Variants in SHF observed in about 807,000 individuals in gnomAD.
SHF encodes the protein Src homology 2 domain containing F, also known as SH2 domain-containing adapter protein F.
A neutral mutation model predicts 42.4 loss-of-function variants in SHF; 30 were observed. The ratio of observed to expected loss-of-function variants is 0.71; its 90% confidence interval spans 0.53 to 0.96. The LOEUF is 0.96. SHF is among the 40% of genes least tolerant of loss of function. SHF has a pLI of 0.00. For synonymous variants in SHF, 264 were observed against 269.9 expected (o/e 0.98, Z 0.21); for missense variants, 598 against 634.0 (o/e 0.94, Z 0.61).
chr15:45,198,623 G>A (rs1383805753), intron 2 of SHF: 1 of 982,118 alleles, frequency 1.0e-6, no homozygotes, highest in African/African-American at 1.6e-5. Flanking sequence ...ACTCGGATTC[G>A]AACCGAGGTT....
intron 2 of SHF, among the ~76,000 whole-genome samples, chr15:45,196,348 C>A (rs1898862330): frequency 6.6e-6 from 1 of 152,108 alleles, no homozygotes; most frequent in Admixed American, 6.5e-5. Context: ...CCTGCCTCGG[C>A]CTCCCGAAGT....
At chr15:45,189,979 T>C (rs1406677616), upstream of SHF, among the ~76,000 whole-genome samples, 1 of 152,164 alleles carries the variant, frequency 6.6e-6, no homozygotes, top group Non-Finnish European at 1.5e-5. Context: ...ACAGTGCTGC[T>C]TGTATTTAGG....
At chr15:45,181,554 G>A (rs1373906126) in intron 1 of SHF, among the ~76,000 whole-genome samples, 1 of 152,162 alleles carries the variant, frequency 6.6e-6, no homozygotes, top group Non-Finnish European at 1.5e-5. Flanking sequence ...GCTCACTACT[G>A]TATCCTGCAT....
At chr15:45,182,539 G>C (rs1898183480) in intron 1 of SHF, among the ~76,000 whole-genome samples, 1 of 152,210 alleles carries the variant, frequency 6.6e-6, no homozygotes, top group Non-Finnish European at 1.5e-5. Flanking sequence ...TATGCAGCTT[G>C]TCAGCAGCAG....
intron 2 of SHF, among the ~76,000 whole-genome samples, chr15:45,194,012 G>A (rs2141446609): frequency 6.6e-6 from 1 of 150,876 alleles, no homozygotes; most frequent in African/African-American, 2.4e-5. Context: ...TGAGGTGGGA[G>A]GATTGCTTGA....
At chr15:45,171,708 G>A in intron 6 of SHF, 175 bp downstream of exon 6, 1 of 658,086 alleles carries the variant, frequency 1.5e-6, no homozygotes, top group Non-Finnish European at 2.6e-6. Context: ...TTCTCCCAAT[G>A]GACTCTGAGC....
At chr15:45,182,002 G>C (rs1275035173) in intron 1 of SHF, among the ~76,000 whole-genome samples, 1 of 152,110 alleles carries the variant, frequency 6.6e-6, no homozygotes, top group African/African-American at 2.4e-5. Context: ...ACCCAGCAGG[G>C]TGCCTCCAGG....
rs562601350 is a variant in SHF, at chr15:45,200,665, T to C, written c.-47+62A>G. 19 of 453,746 alleles carry C rather than the reference T, an allele frequency of 4.2e-5. 1 individual carries two copies. Among genetic ancestry groups the C allele is most frequent in the South Asian group, 2.9e-4 (19 of 64,410 alleles). The allele number at this position is 453,746 out of a possible 1,614,324, so 28.1% of individuals were successfully genotyped here. A position where few individuals can be genotyped will look rare whatever the true frequency, so the allele number is the denominator to read the frequency against. On this transcript the variant is annotated intron_variant, in intron 1 of 7. Transcript: ENST00000290894. ...TTCTCGATTTTGGTCCACACTTGCC[T>C]GCGCACCAGACACGGTGGCCGATTT...
At chr15:45,175,791 G>A (rs1897768299) in intron 2 of SHF, among the ~76,000 whole-genome samples, 2 of 151,084 alleles carry the variant, frequency 1.3e-5, no homozygotes, top group Non-Finnish European at 2.9e-5. Context: ...TGTCCCAAAT[G>A]ATATCATTCC....
rs1897302668 is a variant in SHF at position 45,167,991 on chromosome 15, C to T, written c.1423G>A (p.Glu475Lys). Residue 475 changes from glutamate to lysine, a missense_variant, in exon 7 of 7, where the codon GAA becomes AAA. Coordinates refer to ENST00000690270, the MANE Select transcript of SHF (RefSeq NM_001394037.1). ...ASRKLPIKGA[E>K]HMSLLYPVAI... ...ACAGGGTAGAGCAGGGACATGTGTT[C>T]GGCTCCCTTAATGGGTAGCTTGCGG... 2 of 1,612,994 alleles carry T rather than the reference C, an allele frequency of 1.2e-6. No homozygotes were observed. The highest frequency in any genetic ancestry group is 8.5e-7 in the Non-Finnish European group (1 of 1,179,368).
At chr15:45,180,414 C>T (rs1898068413) in intron 1 of SHF, among the ~76,000 whole-genome samples, 1 of 152,228 alleles carries the variant, frequency 6.6e-6, no homozygotes. Flanking sequence ...TGTCAGTCGG[C>T]AGCCAGCATC....
intron 3 of SHF, among the ~76,000 whole-genome samples, chr15:45,174,912 T>C (rs1897717046): frequency 6.6e-6 from 1 of 152,170 alleles, no homozygotes; most frequent in Non-Finnish European, 1.5e-5. Context: ...CATAAGTTTG[T>C]TTTGGAATTT....
chr15:45,187,845 C>T lies in SHF; in HGVS notation c.107G>A (p.Gly36Glu). The T allele has an allele frequency of 9.6e-7, 1 of 1,042,060 alleles. No individual in the cohort carries two copies. Among genetic ancestry groups the T allele is most frequent in the Non-Finnish European group, 1.2e-6 (1 of 827,192 alleles). The allele number at this position is 1,042,060 out of a possible 1,614,324, so 64.6% of individuals were successfully genotyped here. A position where few individuals can be genotyped will look rare whatever the true frequency, so the allele number is the denominator to read the frequency against. Residue 36 changes from glycine (G) to glutamate (E), a missense_variant, in exon 1 of 7, where the codon GGA becomes GAA. Around this residue, in one of 2 missense-constraint regions of SHF, gnomAD observed 159 missense variants for 109.3 expected, o/e 1.45. Coordinates refer to ENST00000690270, the MANE Select transcript of SHF (RefSeq NM_001394037.1). ...GCTGCCGCCCCCTCCTGGGCCGGCT[C>T]CCGCACCCCCGGCGCCCCGGCGGGA... ...GGSRRGAGGA[G>E]AGPGGGGSGG... is the part of the protein sequence containing the mutation.
intron 1 of SHF, among the ~76,000 whole-genome samples, chr15:45,182,966 A>G (rs1417749462): frequency 6.6e-6 from 1 of 152,372 alleles, no homozygotes; most frequent in African/African-American, 2.4e-5. Flanking sequence ...ACAGACATGC[A>G]GTAGATCCTA....
exon 1 of SHF, chr15:45,200,837 G>A (rs1055792266): frequency 2.2e-6 from 1 of 456,298 alleles, no homozygotes; most frequent in African/African-American, 2.0e-5. Flanking sequence ...GATAGTCAGG[G>A]CATGGTGAGC....
In SHF at chr15:45,187,861, C is replaced by T. The variant is rs1026627126; in HGVS notation, c.91G>A (p.Gly31Ser). The change falls in exon 1 of 7, where the codon GGC (glycine) becomes AGC (serine). Residue 31 changes from glycine to serine, a missense_variant. Physicochemically the swap from Gly to Ser is moderately conservative, Grantham distance 56. Transcript: ENST00000690270. Reference protein sequence around the residue: ...AGGGPGGSRRGAGGAGAGPGG... With the variant: ...AGGGPGGSRRSAGGAGAGPGG... ...GGGCCGGCTCCCGCACCCCCGGCGC[C>T]CCGGCGGGACCCCCCCGGGCCGCCC... 11 of 1,124,578 alleles carry T rather than the reference C, an allele frequency of 9.8e-6. No individual in the cohort carries two copies. The African/African-American group carries it at 1.6e-4, about 17-fold the overall frequency. The allele number at this position is 1,124,578 out of a possible 1,614,324, so 69.7% of individuals were successfully genotyped here. A position where few individuals can be genotyped will look rare whatever the true frequency, so the allele number is the denominator to read the frequency against.
At chr15:45,196,032 G>A (rs1898850586) in intron 2 of SHF, among the ~76,000 whole-genome samples, 1 of 151,282 alleles carries the variant, frequency 6.6e-6, no homozygotes, top group African/African-American at 2.4e-5. Flanking sequence ...AAAAATAATT[G>A]AATTAGTTGC....
At chr15:45,182,108 T>C (rs1898156024) in intron 1 of SHF, among the ~76,000 whole-genome samples, 1 of 152,200 alleles carries the variant, frequency 6.6e-6, no homozygotes, top group Non-Finnish European at 1.5e-5. Flanking sequence ...TCTCCTGTGG[T>C]AGCTAGCAGG....
intron 1 of SHF, among the ~76,000 whole-genome samples, chr15:45,186,251 G>A (rs1400847851): frequency 2.0e-5 from 3 of 152,228 alleles, no homozygotes; most frequent in Non-Finnish European, 4.4e-5. Flanking sequence ...CAAAAACTAG[G>A]GGAAAAATAA....
Sources: allele counts gnomAD v4.1 joint callset (sites outside exome capture counted in the v4.1 genomes callset), GRCh38; gene constraint gnomAD v4.1.1; regional missense constraint gnomAD v4.1.1; transcripts MANE v1.5; gene names NCBI Gene and HGNC (gene_info 2026-07-23, HGNC 2026-07-21).